Variants in MAP3K19 observed in about 807,000 individuals in gnomAD.
The protein encoded by MAP3K19 is mitogen-activated protein kinase kinase kinase 19.
MAP3K19 carries 91 observed loss-of-function variants against 114.4 expected under a neutral mutation model. The ratio of observed to expected loss-of-function variants is 0.80; its 90% CI spans 0.67 to 0.95. MAP3K19 has a LOEUF of 0.95. Among genes scored for constraint, MAP3K19 ranks in the 40% least tolerant of loss-of-function variants. The probability of loss-of-function intolerance (pLI) is 0.00; values close to 1 mark genes in which losing one functional copy is unlikely to be tolerated. For synonymous variants in MAP3K19, 518 were observed against 530.5 expected (o/e 0.98, Z 0.32); for missense variants, 1,471 against 1,573.2 (o/e 0.94, Z 1.10).
chr2:135,005,582 G>C (rs375165667), intron 5 of MAP3K19, 51 bp from the exon 6 acceptor site: 303 of 1,402,762 alleles, frequency 2.2e-4, no homozygotes, highest in Non-Finnish European at 3.0e-4. Context: ...CGATGTACCA[G>C]TTTGTTGGCA....
At chr2:135,007,543 TG>T (rs578237631) in intron 5 of MAP3K19, among the ~76,000 whole-genome samples, 162 of 152,302 alleles carry the variant, frequency 1.1e-3, no homozygotes, top group African/African-American at 3.7e-3. Flanking sequence ...TTTTTCTTTT[TG>T]TTCTCTCATT....
intron 11 of MAP3K19, among the ~76,000 whole-genome samples, chr2:134,982,308 A>C (rs1356296068): frequency 6.9e-6 from 1 of 145,192 alleles, no homozygotes; most frequent in East Asian, 2.0e-4. Flanking sequence ...TTTTGTGGAG[A>C]CGAGGTCTCT....
intron 11 of MAP3K19, among the ~76,000 whole-genome samples, chr2:134,982,186 A>T (rs1278076071): frequency 7.7e-6 from 1 of 129,418 alleles, no homozygotes; most frequent in Non-Finnish European, 1.6e-5. Flanking sequence ...GGCCCTGATC[A>T]TATCTCACTG....
At chr2:134,998,623 G>T in intron 8 of MAP3K19, 115 bp downstream of exon 8, 2 of 1,116,546 alleles carry the variant, frequency 1.8e-6, no homozygotes, top group Non-Finnish European at 2.5e-6. Flanking sequence ...AAGGGCTGGG[G>T]TTATTTTCTG....
intron 5 of MAP3K19, among the ~76,000 whole-genome samples, chr2:135,015,775 C>A (rs577344286): frequency 6.6e-6 from 1 of 152,084 alleles, no homozygotes; most frequent in East Asian, 1.9e-4. Flanking sequence ...TGCTTATAAT[C>A]CCAGCAACTC....
intron 4 of MAP3K19, 67 bp downstream of exon 4, chr2:135,024,559 A>G (rs1688180897): frequency 3.6e-6 from 5 of 1,391,682 alleles, no homozygotes; most frequent in Non-Finnish European, 5.1e-6. Flanking sequence ...ACAGATGTAG[A>G]AAAAGAAAGA....
intron 2 of MAP3K19, among the ~76,000 whole-genome samples, chr2:135,037,356 C>T (rs35504877): frequency 0.06 from 9,062 of 152,186 alleles, 516 homozygotes; most frequent in African/African-American, 0.15. Flanking sequence ...CAGGACTTTG[C>T]GCAGCATTGT....
intron 1 of MAP3K19, among the ~76,000 whole-genome samples, chr2:135,042,604 T>C (rs1688668849): frequency 6.6e-6 from 1 of 151,890 alleles, no homozygotes; most frequent in African/African-American, 2.4e-5. Context: ...GCAGCTCTGA[T>C]GAAGGACAGG....
intron 5 of MAP3K19, among the ~76,000 whole-genome samples, chr2:135,006,442 T>C (rs922000920): frequency 2.5e-4 from 38 of 152,216 alleles, no homozygotes; most frequent in African/African-American, 9.2e-4. Context: ...CTCTGATAGC[T>C]CATTTATTAA....
chr2:134,997,904 T>A (rs1686137244), intron 8 of MAP3K19, among the ~76,000 whole-genome samples: 1 of 152,172 alleles, frequency 6.6e-6, no homozygotes, highest in African/African-American at 2.4e-5. Context: ...ATTATTCTTT[T>A]TTTTCTTTTT....
intron 5 of MAP3K19, among the ~76,000 whole-genome samples, chr2:135,016,482 A>G (rs1443894429): frequency 6.6e-6 from 1 of 152,152 alleles, no homozygotes; most frequent in Non-Finnish European, 1.5e-5. Context: ...TGCCCTCAGT[A>G]TTCTTGGCCT....
intron 3 of MAP3K19, among the ~76,000 whole-genome samples, chr2:135,029,488 T>G (rs1456554249): frequency 6.6e-6 from 1 of 152,376 alleles, no homozygotes; most frequent in Middle Eastern, 3.4e-3. Context: ...CAGTTCGTGA[T>G]GTCTGGCAAT....
intron 3 of MAP3K19, among the ~76,000 whole-genome samples, chr2:135,025,413 T>C (rs1447926944): frequency 8.2e-6 from 1 of 122,288 alleles, no homozygotes; most frequent in Admixed American, 1.1e-4. Context: ...TGAGGCGGAG[T>C]CTTGCTCTGT....
Position 134,987,954 on chromosome 2 carries a change from T to C in MAP3K19, c.918A>G (p.Glu306=), listed in dbSNP as rs2105238960. Residue 306 remains glutamate, a synonymous_variant, in exon 10 of 13, where the codon GAA becomes GAG. Coordinates refer to ENST00000392915, the MANE Select transcript of MAP3K19 (RefSeq NM_025052.5). The part of the protein sequence containing the change: ...NHHRQCLEKE[E]NWKSKEIEEC... ...CTTCTATTTCCTTGGATTTCCAGTT[T>C]TCCTCCTTCTCCAGGCATTGCCTGT... is the stretch of plus-strand genomic sequence containing the variant. 1 of 1,614,240 alleles carries C rather than the reference T, an allele frequency of 6.2e-7. No homozygotes were observed. Among genetic ancestry groups the C allele is most frequent in the Non-Finnish European group, 8.5e-7 (1 of 1,180,042 alleles).
Position 134,999,730 on chromosome 2 carries a change from C to T in MAP3K19, c.314+207G>A, listed in dbSNP as rs1466498717. ...ATTGTCTATGGCTGCATTCAAATGA[C>T]AGTTGCAGAGTTGAATCATCACAAC... is the stretch of plus-strand genomic sequence containing the variant. On this transcript the variant is annotated intron_variant, in intron 7 of 12. Transcript: ENST00000392915. The surrounding 1 kb of genome is among the most constrained non-coding windows in gnomAD (Gnocchi z 4.1). 6.7e-6 allele frequency among the ~76,000 whole-genome samples: 1 copy of T among 150,124 alleles called. No individual in the cohort carries two copies. Among genetic ancestry groups the T allele is most frequent in the Non-Finnish European group, 1.5e-5 (1 of 67,878 alleles).
chr2:134,964,527 A>C lies in MAP3K19; in HGVS notation c.*323T>G, dbSNP rs1443140969. On this transcript the variant is annotated 3_prime_UTR_variant, in exon 13 of 13. Coordinates refer to ENST00000392915, the MANE Select transcript of MAP3K19 (RefSeq NM_025052.5). ...ATTTATTTTAAACTAACAACATTAA[A>C]ATTGACAGGACAGGCCAAAAATAAA... is the stretch of plus-strand genomic sequence containing the variant. 5.7e-6 allele frequency: 1 copy of C among 176,962 alleles called. No homozygotes were observed. Among genetic ancestry groups the C allele is most frequent in the African/African-American group, 2.4e-5 (1 of 42,452 alleles). 11.0% of individuals were successfully genotyped at this position (176,962 alleles called of 1,614,324 possible).
intron 12 of MAP3K19, among the ~76,000 whole-genome samples, chr2:134,979,244 T>C (rs1684450363): frequency 6.6e-6 from 1 of 152,236 alleles, no homozygotes; most frequent in Admixed American, 6.5e-5. Flanking sequence ...ATATTCTTCC[T>C]AATGATTATT....
intron 3 of MAP3K19, among the ~76,000 whole-genome samples, chr2:135,025,363 T>C (rs1688211892): frequency 6.8e-6 from 1 of 147,210 alleles, no homozygotes; most frequent in Non-Finnish European, 1.5e-5. Flanking sequence ...CCTCTCCACA[T>C]GGCCTTTTCT....
chr2:135,041,352 T>A (rs79703694), intron 1 of MAP3K19, among the ~76,000 whole-genome samples: 4 of 151,582 alleles, frequency 2.6e-5, no homozygotes, highest in African/African-American at 7.3e-5. Context: ...TTTTTTTTTT[T>A]AATTTTGAGA....
Sources: allele counts gnomAD v4.1 joint callset (sites outside exome capture counted in the v4.1 genomes callset), GRCh38; gene constraint gnomAD v4.1.1; non-coding constraint Gnocchi (gnomAD v3.1); transcripts MANE v1.5; gene names NCBI Gene and HGNC (gene_info 2026-07-23, HGNC 2026-07-21).